The following CBR4 variants were observed in gnomAD, a reference collection of about 807,000 sequenced individuals.
CBR4 encodes the protein 3-oxoacyl-[acyl-carrier-protein] reductase.
Under a neutral mutation model 21.0 loss-of-function variants are expected in CBR4, and 22 were observed. The ratio of observed to expected loss-of-function variants is 1.05; its 90% confidence interval spans 0.75 to 1.50. The LOEUF is 1.50. Ranked by LOEUF, CBR4 falls within the 40% of genes most tolerant of loss-of-function variation. CBR4 has a pLI of 0.00. For synonymous variants in CBR4, 100 were observed against 104.4 expected, an observed-to-expected ratio of 0.96 and a Z score of 0.26; for missense variants, 302 against 286.3, an observed-to-expected ratio of 1.05 and a Z score of -0.40.
At chr4:168,944,897 G>A (rs1763361769) in intron 2 of CBR4, among the ~76,000 whole-genome samples, 1 of 152,198 alleles carries the variant, frequency 6.6e-6, no homozygotes, top group Non-Finnish European at 1.5e-5. Flanking sequence ...TCATAAACTT[G>A]TGCTGTTCAG....
chr4:169,010,046 C>G lies in CBR4; in HGVS notation c.44G>C (p.Gly15Ala). ...CAVFGGSRGI[G>A]RAVAQLMARK... ...GGCCATTAACTGGGCCACAGCTCTG[C>G]CAATGCCTCGGGAGCCTCCAAAAAC... is the stretch of plus-strand genomic sequence containing the variant. Residue 15 changes from glycine to alanine, a missense_variant, in exon 1 of 5, where the codon GGC becomes GCC. Transcript: ENST00000306193. 1 of 1,613,954 alleles carries G rather than the reference C, an allele frequency of 6.2e-7. No individual in the cohort carries two copies. The highest frequency in any genetic ancestry group is 8.5e-7 in the Non-Finnish European group (1 of 1,179,964).
intron 2 of CBR4, chr4:168,924,316 T>C (rs1169062951): frequency 6.2e-7 from 1 of 1,613,994 alleles, no homozygotes; most frequent in Non-Finnish European, 8.5e-7. Context: ...GAGTTGCTGA[T>C]GGGTACCCAG....
At chr4:168,980,212 C>G (rs780280833) in intron 2 of CBR4, among the ~76,000 whole-genome samples, 5 of 151,808 alleles carry the variant, frequency 3.3e-5, no homozygotes, top group Non-Finnish European at 7.4e-5. Context: ...AAGCTGAGGT[C>G]TGCAGCACTC....
chr4:168,990,593 C>T (rs1258696212), intron 4 of CBR4, among the ~76,000 whole-genome samples: 2 of 151,886 alleles, frequency 1.3e-5, no homozygotes, highest in East Asian at 2.0e-4. Flanking sequence ...TGCACCACCA[C>T]ACCTGGCTAG....
chr4:168,904,827 T>A (rs1170962184), intron 2 of CBR4, among the ~76,000 whole-genome samples: 3 of 152,142 alleles, frequency 2.0e-5, no homozygotes, highest in Admixed American at 2.0e-4. Context: ...CACTACAAAC[T>A]TTTAATTAAA....
chr4:169,000,248 A>G (rs76614656), intron 4 of CBR4, among the ~76,000 whole-genome samples: 7,884 of 152,272 alleles, frequency 0.052, 267 homozygotes, highest in Middle Eastern at 0.075. Flanking sequence ...TAAGATAACA[A>G]CAATGCTGCT....
chr4:168,898,843 T>C (rs1432637644), intron 2 of CBR4: 1 of 733,710 alleles, frequency 1.4e-6, no homozygotes, highest in Non-Finnish European at 2.4e-6. Context: ...TAAAGGGTTT[T>C]AAATATTCTT....
chr4:168,936,323 G>A (rs977582923), intron 2 of CBR4, among the ~76,000 whole-genome samples: 2 of 152,244 alleles, frequency 1.3e-5, no homozygotes, highest in South Asian at 2.1e-4. Context: ...ACGAAGATGG[G>A]GAGAAACCAA....
chr4:168,989,173 G>A lies in CBR4; in HGVS notation c.*977C>T. The A allele has an allele frequency of 1.0e-6, 1 of 965,390 alleles. No homozygotes were observed. The highest frequency in any genetic ancestry group is 1.2e-6 in the Non-Finnish European group (1 of 811,944). The allele number at this position is 965,390 out of a possible 1,614,324, so 59.8% of individuals were successfully genotyped here. Reference sequence around the variant, plus strand: ...AGAATTTATTACTTTCTAGAATTTTGGGATAAGAATCATAATCACTAATGC... The same window carrying A: ...AGAATTTATTACTTTCTAGAATTTTAGGATAAGAATCATAATCACTAATGC... On this transcript the variant is annotated 3_prime_UTR_variant, in exon 5 of 5. Transcript: ENST00000306193.
At chr4:168,961,899 G>A (rs763935146) in intron 2 of CBR4, among the ~76,000 whole-genome samples, 25 of 150,212 alleles carry the variant, frequency 1.7e-4, no homozygotes, top group Non-Finnish European at 2.8e-4. Context: ...TAGAAAGAAA[G>A]GAAGGGAGAG....
intron 2 of CBR4, among the ~76,000 whole-genome samples, chr4:168,918,271 C>T (rs1208670339): frequency 6.6e-6 from 1 of 150,704 alleles, no homozygotes; most frequent in Non-Finnish European, 1.5e-5. Flanking sequence ...TCATAATAGC[C>T]AGGATACGGG....
intron 2 of CBR4, chr4:168,927,707 C>T (rs1024603575): frequency 1.0e-4 from 23 of 224,006 alleles, no homozygotes; most frequent in African/African-American, 4.0e-4. Flanking sequence ...AAAGGCATCT[C>T]GGTAAAGACT....
At chr4:168,979,540 C>T (rs977540770) in intron 2 of CBR4, among the ~76,000 whole-genome samples, 13 of 96,140 alleles carry the variant, frequency 1.4e-4, no homozygotes, top group African/African-American at 3.9e-4. Flanking sequence ...CCAGAGACAA[C>T]CCTCTGCCAT....
At chr4:168,949,216 G>C (rs1394209190) in intron 2 of CBR4, among the ~76,000 whole-genome samples, 1 of 152,172 alleles carries the variant, frequency 6.6e-6, no homozygotes, top group African/African-American at 2.4e-5. Flanking sequence ...TGTTAATCTT[G>C]TATCCAGAAA....
At chr4:168,897,822 T>C (rs1462346920) in intron 2 of CBR4, among the ~76,000 whole-genome samples, 1 of 139,688 alleles carries the variant, frequency 7.2e-6, no homozygotes, top group African/African-American at 2.8e-5. Flanking sequence ...TGATGGGTTG[T>C]TTTTTTTTTT....
rs189906053 is a variant in CBR4, at chr4:168,965,552, T to C, written n.169+36519A>G. ...AGCATGGTACTGGTACCAAAACAGA[T>C]ATATAGACCAATGGAACAGAACAGA... On this transcript the variant is annotated intron_variant and non_coding_transcript_variant, in intron 2 of 3. Coordinates refer to the CBR4 transcript ENST00000509108. Among the ~76,000 whole-genome samples, 760 of 151,662 alleles carry C rather than the reference T, an allele frequency of 5.0e-3. 6 individuals carry two copies. The highest frequency in any genetic ancestry group is 5.9e-3 in the Admixed American group (90 of 15,250).
chr4:168,996,860 G>A (rs1029438933), intron 4 of CBR4, among the ~76,000 whole-genome samples: 11 of 152,230 alleles, frequency 7.2e-5, no homozygotes, highest in African/African-American at 2.2e-4. Flanking sequence ...TATGAACCAC[G>A]TGATCTTCAT....
Position 168,914,102 on chromosome 4 carries a change from G to T in CBR4, n.170-19337C>A. ...TGTAGTACTATTAGAATCATCATAT[G>T]ACCACAAAAGTAAACATAACTGGAA... On this transcript the variant is annotated intron_variant and non_coding_transcript_variant, in intron 2 of 3. Transcript: ENST00000509108. The T allele has an allele frequency of 4.6e-6, 4 of 871,928 alleles. No individual in the cohort carries two copies. The South Asian group carries it at 5.6e-5, about 12-fold the overall frequency. 54.0% of individuals were successfully genotyped at this position (871,928 alleles called of 1,614,324 possible).
In CBR4 at chr4:168,926,604, G is replaced by C. The variant is rs182567903; in HGVS notation, n.170-31839C>G. On this transcript the variant is annotated intron_variant and non_coding_transcript_variant, in intron 2 of 3. Coordinates refer to the CBR4 transcript ENST00000509108. ...ATTGCACAGAAAATACACATTTACT[G>C]TCCAATTTAAAACTTTGGAATTGCT... is the stretch of plus-strand genomic sequence containing the variant. 19 of 453,808 alleles carry C rather than the reference G, an allele frequency of 4.2e-5. No individual in the cohort carries two copies. In the East Asian group the frequency reaches 6.7e-4, roughly 16 times the overall value. The allele number at this position is 453,808 out of a possible 1,614,324, so 28.1% of individuals were successfully genotyped here. A position where few individuals can be genotyped will look rare whatever the true frequency, so the allele number is the denominator to read the frequency against.
Sources: gnomAD v4.1 joint callset for allele counts (sites outside exome capture counted in the v4.1 genomes callset) on GRCh38, gnomAD v4.1.1 for gene constraint, MANE v1.5 for transcripts, NCBI Gene and HGNC (gene_info 2026-07-23, HGNC 2026-07-21) for gene names.